Variants in BIK observed in about 807,000 individuals in gnomAD.
BIK encodes the protein BCL2 interacting killer.
Under a neutral mutation model 12.1 loss-of-function variants are expected in BIK, and 14 were observed. That is an observed-to-expected ratio of 1.16 (90% CI 0.77 to 1.81). The LOEUF is 1.81. Among genes scored for constraint, BIK ranks in the 40% most tolerant of loss-of-function variants. The probability of loss-of-function intolerance (pLI) is 0.00; values close to 1 mark genes in which losing one functional copy is unlikely to be tolerated. For synonymous variants in BIK, 86 were observed against 92.3 expected (o/e 0.93, Z 0.39); for missense variants, 215 against 207.9 (o/e 1.03, Z -0.21).
chr22:43,111,264 C>T (rs906540689), intron 1 of BIK, among the ~76,000 whole-genome samples: 2 of 152,168 alleles, frequency 1.3e-5, no homozygotes, highest in South Asian at 4.1e-4. Flanking sequence ...TGGCGTCGTG[C>T]CCGGTGCCGC....
chr22:43,119,642 G>A (rs774320434), intron 1 of BIK, among the ~76,000 whole-genome samples: 5 of 152,038 alleles, frequency 3.3e-5, no homozygotes, highest in Admixed American at 6.6e-5. Context: ...GACAGGGGCT[G>A]CAGGACCCCC....
intron 1 of BIK, among the ~76,000 whole-genome samples, chr22:43,115,931 AT>A (rs1930104916): frequency 6.6e-6 from 1 of 151,252 alleles, no homozygotes; most frequent in Non-Finnish European, 1.5e-5. Context: ...TAACTTTGGT[AT>A]TTTTAGTAGA....
chr22:43,111,187 C>A lies in BIK; in HGVS notation c.-8+384C>A, dbSNP rs1043607206. 2.0e-4 allele frequency among the ~76,000 whole-genome samples: 30 copies of A among 152,280 alleles called. No homozygotes were observed. In the South Asian group the frequency reaches 4.3e-3, roughly 22 times the overall value. On this transcript the variant is annotated intron_variant, in intron 1 of 4. Coordinates refer to ENST00000216115, the MANE Select transcript of BIK (RefSeq NM_001197.5). ...CTGGGGTCGTGCGGACCCGGCCAGA[C>A]CGTAGCGCGGCAACGCCAGCCCACG...
chr22:43,116,938 A>G (rs1311560394), intron 1 of BIK, among the ~76,000 whole-genome samples: 1 of 152,132 alleles, frequency 6.6e-6, no homozygotes, highest in Non-Finnish European at 1.5e-5. Flanking sequence ...ACCCTGTCTC[A>G]AAATAGTAAT....
At chr22:43,125,698 G>A (rs1930300517) in intron 2 of BIK, among the ~76,000 whole-genome samples, 1 of 151,676 alleles carries the variant, frequency 6.6e-6, no homozygotes. Context: ...CTCCAGCCTG[G>A]GTAACAGAGT....
chr22:43,124,281 G>C, intron 2 of BIK, 98 bp downstream of exon 2: 2 of 1,406,620 alleles, frequency 1.4e-6, no homozygotes, highest in Non-Finnish European at 1.9e-6. Context: ...GCCTGCAGAT[G>C]CCTCCCAGGC....
chr22:43,121,076 G>C (rs1182700597), intron 1 of BIK, among the ~76,000 whole-genome samples: 1 of 152,172 alleles, frequency 6.6e-6, no homozygotes, highest in African/African-American at 2.4e-5. Flanking sequence ...CTGGGAGTCT[G>C]AGGCAGGAGA....
intron 1 of BIK, among the ~76,000 whole-genome samples, chr22:43,123,163 C>T (rs147220505): frequency 6.6e-6 from 1 of 152,200 alleles, no homozygotes; most frequent in African/African-American, 2.4e-5. Flanking sequence ...ATGTGTGATG[C>T]GCACAAGTGT....
intron 1 of BIK, among the ~76,000 whole-genome samples, chr22:43,113,548 CA>C (rs1010277789): frequency 1.1e-3 from 153 of 137,398 alleles, no homozygotes; most frequent in Middle Eastern, 3.7e-3. Context: ...GACTCCATCT[CA>C]AAAAAAAAAA....
At chr22:43,118,030 G>A (rs960353297) in intron 1 of BIK, among the ~76,000 whole-genome samples, 1 of 152,158 alleles carries the variant, frequency 6.6e-6, no homozygotes, top group East Asian at 1.9e-4. Context: ...AGGGGGTCTC[G>A]TTGTATTGCC....
At chr22:43,128,838 G>C (rs974828395) in intron 4 of BIK, among the ~76,000 whole-genome samples, 1 of 152,226 alleles carries the variant, frequency 6.6e-6, no homozygotes, top group Non-Finnish European at 1.5e-5. Flanking sequence ...TCTGGTCCGA[G>C]AGCCTTCACC....
chr22:43,123,580 C>G (rs1228399146), intron 1 of BIK, among the ~76,000 whole-genome samples: 1 of 152,068 alleles, frequency 6.6e-6, no homozygotes, highest in Admixed American at 6.6e-5. Flanking sequence ...ATGAAACCCC[C>G]GTCTTTACTA....
At chr22:43,124,723 C>T (rs1402010814) in intron 2 of BIK, among the ~76,000 whole-genome samples, 2 of 152,160 alleles carry the variant, frequency 1.3e-5, no homozygotes, top group African/African-American at 4.8e-5. Flanking sequence ...AAAACCCTGT[C>T]TCTACTAAAA....
At chr22:43,125,953 A>G (rs1291919172) in intron 2 of BIK, among the ~76,000 whole-genome samples, 1 of 151,894 alleles carries the variant, frequency 6.6e-6, no homozygotes, top group African/African-American at 2.4e-5. Flanking sequence ...AACTGCTCCC[A>G]GCTATGTCCA....
chr22:43,124,689 C>T (rs886209741), intron 2 of BIK, among the ~76,000 whole-genome samples: 17 of 152,072 alleles, frequency 1.1e-4, no homozygotes, highest in Admixed American at 8.5e-4. Context: ...GTCAGGAGCT[C>T]GAGACCAGCC....
intron 2 of BIK, 64 bp from the exon 3 acceptor site, chr22:43,127,632 TG>T: frequency 1.4e-6 from 2 of 1,405,104 alleles, no homozygotes; most frequent in East Asian, 2.5e-5. Flanking sequence ...GTTGGCTGGG[TG>T]GGTCCAGGTG....
At position 43,129,540 on chromosome 22, in the gene BIK, T is replaced by TG. The variant is rs1177075391; in HGVS notation, c.*235_*236insG. The TG allele has an allele frequency of 1.4e-6, 1 of 690,738 alleles. No individual in the cohort carries two copies. Among genetic ancestry groups the TG allele is most frequent in the African/African-American group, 1.8e-5 (1 of 54,432 alleles). The allele number at this position is 690,738 out of a possible 1,614,324, so 42.8% of individuals were successfully genotyped here. On this transcript the variant is annotated 3_prime_UTR_variant, in exon 5 of 5. Coordinates refer to ENST00000216115, the MANE Select transcript of BIK (RefSeq NM_001197.5). Reference sequence around the variant, plus strand: ...CCTATGGCTCTGCAATTGTCACCGGTTAACTGTGGCCTGTGCCCAGGAAGA... The same window carrying TG: ...CCTATGGCTCTGCAATTGTCACCGGTGTAACTGTGGCCTGTGCCCAGGAAGA...
chr22:43,112,803 G>A (rs990206046), intron 1 of BIK, among the ~76,000 whole-genome samples: 3 of 152,094 alleles, frequency 2.0e-5, no homozygotes, highest in Admixed American at 1.3e-4. Context: ...TACGCAGGAG[G>A]CTGAGTTCAG....
chr22:43,127,913 A>ACC (rs1930351699), intron 3 of BIK, 118 bp downstream of exon 3: 4 of 951,030 alleles, frequency 4.2e-6, no homozygotes, highest in South Asian at 1.7e-5. Context: ...ATGTGCCTTG[A>ACC]CACTGGGGCT....
Sources: gnomAD v4.1 joint callset for allele counts (sites outside exome capture counted in the v4.1 genomes callset) on GRCh38, gnomAD v4.1.1 for gene constraint, MANE v1.5 for transcripts, NCBI Gene and HGNC (gene_info 2026-07-23, HGNC 2026-07-21) for gene names.